MRTFA: variants seen among roughly 807,000 people sequenced by gnomAD.
MRTFA encodes the protein myocardin-related transcription factor A.
MRTFA carries 20 observed loss-of-function variants against 83.5 expected under a neutral mutation model. That is an observed-to-expected ratio of 0.24 (90% CI 0.17 to 0.35). The LOEUF is 0.35. MRTFA is among the 10% of genes least tolerant of loss of function. The pLI, the probability that MRTFA is intolerant of heterozygous loss-of-function variation, is 1.00. For synonymous variants in MRTFA, 659 were observed against 541.2 expected (o/e 1.22, Z -3.02); for missense variants, 1,200 against 1,224.7 (o/e 0.98, Z 0.30).
chr22:40,423,399 C>T (rs904423592), intron 9 of MRTFA, 137 bp downstream of exon 9: 13 of 775,676 alleles, frequency 1.7e-5, no homozygotes, highest in Non-Finnish European at 1.9e-5. Flanking sequence ...GCAGACAGAA[C>T]GGGAAGAAAC....
intron 3 of MRTFA, among the ~76,000 whole-genome samples, chr22:40,500,604 C>T (rs1219423664): frequency 1.3e-5 from 2 of 151,690 alleles, no homozygotes; most frequent in African/African-American, 4.8e-5. Context: ...TCTTAACGAG[C>T]ATGCTGCCTT....
chr22:40,604,737 C>T (rs544096997), intron 1 of MRTFA, among the ~76,000 whole-genome samples: 5 of 151,482 alleles, frequency 3.3e-5, no homozygotes, highest in Non-Finnish European at 5.9e-5. Flanking sequence ...CAGAGCAAGA[C>T]TCCATCTCAA....
intron 4 of MRTFA, among the ~76,000 whole-genome samples, chr22:40,453,847 T>G (rs1195314146): frequency 6.6e-6 from 1 of 152,204 alleles, no homozygotes; most frequent in African/African-American, 2.4e-5. Context: ...TTTCTGTCTC[T>G]TGGTAAGTTG....
intron 3 of MRTFA, among the ~76,000 whole-genome samples, chr22:40,486,369 C>G (rs2054174927): frequency 6.6e-6 from 1 of 152,186 alleles, no homozygotes; most frequent in Non-Finnish European, 1.5e-5. Context: ...TTGCACCAAG[C>G]TCGGTTGAAC....
At chr22:40,605,122 T>C (rs1357463984) in intron 1 of MRTFA, among the ~76,000 whole-genome samples, 1 of 152,174 alleles carries the variant, frequency 6.6e-6, no homozygotes, top group Non-Finnish European at 1.5e-5. Flanking sequence ...TAACCACTTG[T>C]CTGTAAAGGA....
intron 3 of MRTFA, among the ~76,000 whole-genome samples, chr22:40,546,499 T>C (rs974608600): frequency 1.3e-5 from 2 of 152,180 alleles, no homozygotes; most frequent in African/African-American, 2.4e-5. Flanking sequence ...TCAAGTAGCA[T>C]AAAGACTAAA....
chr22:40,556,158 G>A (rs965536490), intron 2 of MRTFA, among the ~76,000 whole-genome samples: 2 of 152,060 alleles, frequency 1.3e-5, no homozygotes, highest in African/African-American at 4.8e-5. Flanking sequence ...TACTTACATG[G>A]CTTTTATAAT....
chr22:40,413,383 A>G (rs1027816544), intron 14 of MRTFA, among the ~76,000 whole-genome samples: 3 of 148,072 alleles, frequency 2.0e-5, no homozygotes, highest in African/African-American at 7.5e-5. Flanking sequence ...ACTGTTGCCC[A>G]GGCTGCAGTG....
At chr22:40,492,252 T>TG (rs2054283770) in intron 3 of MRTFA, among the ~76,000 whole-genome samples, 1 of 152,218 alleles carries the variant, frequency 6.6e-6, no homozygotes. Context: ...AGTGGGCACT[T>TG]CATTCTACAG....
chr22:40,619,010 A>G (rs2147429631), intron 1 of MRTFA, among the ~76,000 whole-genome samples: 1 of 150,444 alleles, frequency 6.6e-6, no homozygotes, highest in East Asian at 2.0e-4. Flanking sequence ...TATATATATC[A>G]ATAATCCAGG....
In MRTFA at chr22:40,411,246, T is replaced by TCTAGCCTCC; in HGVS notation, c.*135_*143dup. Reference sequence around the variant, plus strand: ...GAACCAGGAGTAAGGGCTTCTCTGTTCTAGCCTCCCAGGGAAGGGAAAAAG... The same window carrying TCTAGCCTCC: ...GAACCAGGAGTAAGGGCTTCTCTGTTCTAGCCTCCCTAGCCTCCCAGGGAAGGGAAAAAG... On this transcript the variant is annotated 3_prime_UTR_variant, in exon 15 of 15. Transcript: ENST00000355630. The TCTAGCCTCC allele has an allele frequency of 1.1e-6, 1 of 910,638 alleles. No individual in the cohort carries two copies. 56.4% of individuals were successfully genotyped at this position (910,638 alleles called of 1,614,324 possible).
chr22:40,604,572 C>T (rs2056297456), intron 1 of MRTFA, among the ~76,000 whole-genome samples: 3 of 151,864 alleles, frequency 2.0e-5, no homozygotes, highest in African/African-American at 7.2e-5. Context: ...CATGGTGAAA[C>T]CTCGTCTCTA....
At chr22:40,599,628 G>C (rs369766236) in intron 1 of MRTFA, among the ~76,000 whole-genome samples, 1 of 152,152 alleles carries the variant, frequency 6.6e-6, no homozygotes, top group East Asian at 1.9e-4. Flanking sequence ...CAGGCACAGT[G>C]GCTCACACCT....
intron 3 of MRTFA, among the ~76,000 whole-genome samples, chr22:40,551,036 A>G (rs570015690): frequency 6.6e-6 from 1 of 151,358 alleles, no homozygotes; most frequent in Non-Finnish European, 1.5e-5. Context: ...TCTTTAGTAA[A>G]GACGGGGTTT....
At chr22:40,423,208 C>T (rs2052878675) in intron 9 of MRTFA, among the ~76,000 whole-genome samples, 1 of 152,238 alleles carries the variant, frequency 6.6e-6, no homozygotes, top group South Asian at 2.1e-4. Context: ...CACTTCTCAG[C>T]TCCTCTCTTG....
In MRTFA at chr22:40,416,603, C is replaced by T. The variant is rs565428833; in HGVS notation, c.2578+383G>A. Among the ~76,000 whole-genome samples, 3 of 152,360 alleles carry T rather than the reference C, an allele frequency of 2.0e-5. No individual in the cohort carries two copies. Among genetic ancestry groups the T allele is most frequent in the South Asian group, 4.1e-4 (2 of 4,828 alleles). ...GCTCACAGGAGACATCCTGGACCTT[C>T]CCCACCAGGCTCCCCAGACCTCTCC... is the stretch of plus-strand genomic sequence containing the variant. On this transcript the variant is annotated intron_variant, in intron 14 of 14. Transcript: ENST00000355630. The surrounding 1 kb of genome is among the most constrained non-coding windows in gnomAD (Gnocchi z 4.2).
At chr22:40,468,615 A>G (rs1259690800) in intron 3 of MRTFA, among the ~76,000 whole-genome samples, 1 of 152,154 alleles carries the variant, frequency 6.6e-6, no homozygotes, top group Non-Finnish European at 1.5e-5. Context: ...CTTGGCCACC[A>G]CTTTTCAGAA....
intron 3 of MRTFA, among the ~76,000 whole-genome samples, chr22:40,525,638 C>T (rs2054956531): frequency 1.3e-5 from 2 of 152,142 alleles, no homozygotes; most frequent in African/African-American, 4.8e-5. Flanking sequence ...GTTTCAAGGA[C>T]ACCTAGGGGT....
intron 3 of MRTFA, among the ~76,000 whole-genome samples, chr22:40,548,795 C>A (rs553845142): frequency 2.4e-4 from 36 of 151,546 alleles, no homozygotes; most frequent in Non-Finnish European, 4.7e-4. Flanking sequence ...ACCTGGGAGG[C>A]GGAGGTTGCA....
Sources: allele counts gnomAD v4.1 joint callset (sites outside exome capture counted in the v4.1 genomes callset), GRCh38; gene constraint gnomAD v4.1.1; non-coding constraint Gnocchi (gnomAD v3.1); transcripts MANE v1.5; gene names NCBI Gene and HGNC (gene_info 2026-07-23, HGNC 2026-07-21).